The following ANGPT2 variants were observed in gnomAD, a reference collection of about 807,000 sequenced individuals.
ANGPT2 encodes the protein angiopoietin-2.
Under a neutral mutation model 62.9 loss-of-function variants are expected in ANGPT2, and 28 were observed. The observed-to-expected ratio is 0.44, with a 90% CI of 0.33 to 0.61. ANGPT2 has a LOEUF of 0.61. Among genes scored for constraint, ANGPT2 ranks in the 20% least tolerant of loss-of-function variants. The pLI, the probability that ANGPT2 is intolerant of heterozygous loss-of-function variation, is 0.03. For missense variants in ANGPT2, 727 were observed against 594.9 expected, an observed-to-expected ratio of 1.22 and a Z score of -2.31; for synonymous variants, 284 against 207.8, an observed-to-expected ratio of 1.37 and a Z score of -3.15.
intron 3 of ANGPT2, among the ~76,000 whole-genome samples, chr8:6,524,479 T>A (rs1817964505): frequency 6.6e-6 from 1 of 152,218 alleles, no homozygotes; most frequent in African/African-American, 2.4e-5. Flanking sequence ...CTGAGTCACT[T>A]TGCACTTACT....
intron 8 of ANGPT2, 101 bp downstream of exon 8, chr8:6,508,831 A>G: frequency 1.3e-6 from 2 of 1,511,732 alleles, no homozygotes; most frequent in Non-Finnish European, 1.8e-6. Flanking sequence ...GAAATTGTGG[A>G]CATCGTTACA....
At chr8:6,532,632 T>C (rs1819743411) in intron 1 of ANGPT2, 145 bp from the exon 2 acceptor site, 7 of 670,310 alleles carry the variant, frequency 1.0e-5, no homozygotes, top group Non-Finnish European at 1.6e-5. Flanking sequence ...TTTTGGAATC[T>C]TACTATTTTT....
chr8:6,518,846 C>T (rs1476145708), intron 5 of ANGPT2, among the ~76,000 whole-genome samples: 1 of 152,144 alleles, frequency 6.6e-6, no homozygotes, highest in Non-Finnish European at 1.5e-5. Flanking sequence ...CACTGATTCT[C>T]CTGTAATATC....
At chr8:6,520,994 T>G (rs934313783) in intron 4 of ANGPT2, among the ~76,000 whole-genome samples, 184 bp downstream of exon 4, 1 of 152,200 alleles carries the variant, frequency 6.6e-6, no homozygotes, top group Non-Finnish European at 1.5e-5. Context: ...GGGTGTTTGC[T>G]TCATAATAAT....
chr8:6,530,508 C>CAA (rs55729820), intron 2 of ANGPT2, among the ~76,000 whole-genome samples: 71 of 97,868 alleles, frequency 7.3e-4, no homozygotes, highest in East Asian at 2.0e-3. Flanking sequence ...GACTCTGTCT[C>CAA]AAAAAAAAAA....
intron 1 of ANGPT2, among the ~76,000 whole-genome samples, chr8:6,560,810 G>T (rs1825415688): frequency 6.6e-6 from 1 of 152,198 alleles, no homozygotes; most frequent in South Asian, 2.1e-4. Context: ...ACCTAAGAAA[G>T]AAATATGAGC....
At chr8:6,559,628 C>T (rs1375237822) in intron 1 of ANGPT2, among the ~76,000 whole-genome samples, 1 of 152,088 alleles carries the variant, frequency 6.6e-6, no homozygotes, top group African/African-American at 2.4e-5. Flanking sequence ...GTATGAGGCA[C>T]TCATCAGTGT....
At chr8:6,520,015 A>G (rs1172861549) in intron 4 of ANGPT2, 24 bp from the exon 5 acceptor site, 6 of 1,610,808 alleles carry the variant, frequency 3.7e-6, no homozygotes. Context: ...ATAGTAAGGC[A>G]TTTAAACGGA....
chr8:6,542,864 G>A (rs1249599802), intron 1 of ANGPT2, among the ~76,000 whole-genome samples: 1 of 152,108 alleles, frequency 6.6e-6, no homozygotes, highest in Non-Finnish European at 1.5e-5. Flanking sequence ...GCTAGAAAAG[G>A]GAAAAGGCTA....
intron 1 of ANGPT2, among the ~76,000 whole-genome samples, chr8:6,555,465 CTT>C (rs530250678): frequency 2.7e-4 from 39 of 142,372 alleles, no homozygotes; most frequent in Admixed American, 3.5e-4. Flanking sequence ...GTGGTTTGCC[CTT>C]TTTTTTTTTT....
chr8:6,532,612 C>G, intron 1 of ANGPT2, 125 bp from the exon 2 acceptor site: 3 of 680,012 alleles, frequency 4.4e-6, no homozygotes, highest in Non-Finnish European at 4.3e-6. Flanking sequence ...AGACTTGTAC[C>G]TTGCCTTCCT....
chr8:6,559,602 C>G (rs1451821978), intron 1 of ANGPT2, among the ~76,000 whole-genome samples: 1 of 152,102 alleles, frequency 6.6e-6, no homozygotes, highest in Non-Finnish European at 1.5e-5. Flanking sequence ...TGTTCATAGA[C>G]TGCAGTTGTT....
rs752720600 is a variant in ANGPT2, at chr8:6,562,640, T to G, written c.288+7A>C. ...TGTTCACAAAGACAGATGGATTTTT[T>G]TCCTACCTTCATTAGCCACTGAGTG... On this transcript the variant is annotated splice_region_variant and intron_variant, in intron 1 of 8. Transcript: ENST00000629816. 2.2e-6 allele frequency: 3 copies of G among 1,387,994 alleles called. No individual in the cohort carries two copies. The African/African-American group carries it at 4.4e-5, about 20-fold the overall frequency. 86.0% of individuals were successfully genotyped at this position (1,387,994 alleles called of 1,614,324 possible).
At chr8:6,548,265 A>G (rs562599619) in intron 1 of ANGPT2, among the ~76,000 whole-genome samples, 6 of 152,138 alleles carry the variant, frequency 3.9e-5, no homozygotes, top group Non-Finnish European at 7.4e-5. Flanking sequence ...GCACCCTGGC[A>G]TTTTCAGGTG....
Position 6,503,134 on chromosome 8 carries a change from G to T in ANGPT2, c.1455C>A (p.Ala485=). 6.2e-7 allele frequency: 1 copy of T among 1,614,186 alleles called. No homozygotes were observed. The highest frequency in any genetic ancestry group is 8.5e-7 in the Non-Finnish European group (1 of 1,180,038). The part of the protein sequence containing the change: ...YWKGSGYSLK[A]TTMMIRPADF ...CTGCTGGTCGGATCATCATGGTTGT[G>T]GCCTTGAGCGAATAGCCTGAGCCTT... The change falls in exon 9 of 9, where the codon GCC becomes GCA. Residue 485 remains alanine (A), a synonymous_variant. Transcript: ENST00000629816.
At position 6,501,553 on chromosome 8, in the gene ANGPT2, C is replaced by CTTTTTTT. The variant is rs761570329; in HGVS notation, c.*1541_*1547dup. 1.6e-5 allele frequency: 2 copies of CTTTTTTT among 128,050 alleles called. No individual in the cohort carries two copies. The highest frequency in any genetic ancestry group is 2.9e-5 in the African/African-American group (1 of 34,108). 7.9% of individuals were successfully genotyped at this position (128,050 alleles called of 1,614,324 possible). On this transcript the variant is annotated 3_prime_UTR_variant, in exon 9 of 9. Coordinates refer to ENST00000629816, the MANE Select transcript of ANGPT2 (RefSeq NM_001118887.2). ...TGTGTTCTCAAATTTTCTTTTCTTT[C>CTTTTTTT]TTTTTTTTTTTTTTTTTTTGAGATG...
chr8:6,556,838 C>A (rs553872505), intron 1 of ANGPT2, among the ~76,000 whole-genome samples: 1 of 152,126 alleles, frequency 6.6e-6, no homozygotes, highest in Non-Finnish European at 1.5e-5. Flanking sequence ...GTCTTCCCAT[C>A]TTGGCCTCTC....
rs976881321 is a variant in ANGPT2 at position 6,501,562 on chromosome 8, T to C, written c.*1539A>G. 1 of 149,332 alleles carries C rather than the reference T, an allele frequency of 6.7e-6. No individual in the cohort carries two copies. The highest frequency in any genetic ancestry group is 2.5e-5 in the African/African-American group (1 of 40,558). 9.3% of individuals were successfully genotyped at this position (149,332 alleles called of 1,614,324 possible). A position where few individuals can be genotyped will look rare whatever the true frequency, so the allele number is the denominator to read the frequency against. On this transcript the variant is annotated 3_prime_UTR_variant, in exon 9 of 9. Coordinates refer to ENST00000629816, the MANE Select transcript of ANGPT2 (RefSeq NM_001118887.2). ...AAATTTTCTTTTCTTTCTTTTTTTT[T>C]TTTTTTTTTTGAGATGGAGTCTTGC...
At chr8:6,549,137 TAGC>T (rs989862443) in intron 1 of ANGPT2, among the ~76,000 whole-genome samples, 1 of 152,204 alleles carries the variant, frequency 6.6e-6, no homozygotes, top group Non-Finnish European at 1.5e-5. Context: ...ATTTCAGAGA[TAGC>T]AGTACAAGAA....
Sources: gnomAD v4.1 joint callset for allele counts (sites outside exome capture counted in the v4.1 genomes callset) on GRCh38, gnomAD v4.1.1 for gene constraint, MANE v1.5 for transcripts, NCBI Gene and HGNC (gene_info 2026-07-23, HGNC 2026-07-21) for gene names.